The following NEGR1 variants were observed in gnomAD, a reference collection of about 807,000 sequenced individuals.
NEGR1 encodes neuronal growth regulator 1.
Under a neutral mutation model 40.9 loss-of-function variants are expected in NEGR1, and 10 were observed. The observed-to-expected ratio is 0.24, with a 90% CI of 0.15 to 0.42. NEGR1 has a LOEUF of 0.42. Among genes scored for constraint, NEGR1 ranks in the 10% least tolerant of loss-of-function variants. NEGR1 has a pLI of 1.00. For missense variants in NEGR1, 352 were observed against 438.9 expected, an observed-to-expected ratio of 0.80 and a Z score of 1.77; for synonymous variants, 185 against 166.8, an observed-to-expected ratio of 1.11 and a Z score of -0.84.
intron 1 of NEGR1, among the ~76,000 whole-genome samples, chr1:72,060,148 T>C (rs1433964604): frequency 6.6e-6 from 1 of 151,744 alleles, no homozygotes; most frequent in Admixed American, 6.6e-5. Flanking sequence ...TTTACACCCA[T>C]GTCAATAGCA....
intron 2 of NEGR1, among the ~76,000 whole-genome samples, chr1:71,896,342 A>G (rs1269720811): frequency 6.6e-6 from 1 of 152,030 alleles, no homozygotes; most frequent in Non-Finnish European, 1.5e-5. Context: ...CTATTTATAT[A>G]GTTTATTTGG....
rs1032372678 is a variant in NEGR1 at position 71,404,967 on chromosome 1, CA to C, written c.*2478del. Reference sequence around the variant, plus strand: ...TAGCCTTATTTGACAATATTGAACTCATAAATACTCATGATTTCACTCTGTC... The same window carrying C: ...TAGCCTTATTTGACAATATTGAACTCTAAATACTCATGATTTCACTCTGTC... On this transcript the variant is annotated 3_prime_UTR_variant, in exon 7 of 7. Coordinates refer to ENST00000357731, the MANE Select transcript of NEGR1 (RefSeq NM_173808.3). 8 of 152,304 alleles carry C rather than the reference CA, an allele frequency of 5.3e-5. No individual in the cohort carries two copies. Among genetic ancestry groups the C allele is most frequent in the African/African-American group, 1.9e-4 (8 of 41,520 alleles). The allele number at this position is 152,304 out of a possible 1,614,324, so 9.4% of individuals were successfully genotyped here.
intron 6 of NEGR1, among the ~76,000 whole-genome samples, chr1:71,577,598 A>T (rs964524798): frequency 3.9e-5 from 6 of 152,194 alleles, no homozygotes; most frequent in Non-Finnish European, 7.4e-5. Context: ...ATGCACATGC[A>T]CTTTAAACAG....
chr1:71,804,473 C>G (rs1657679393), intron 2 of NEGR1, among the ~76,000 whole-genome samples: 1 of 152,118 alleles, frequency 6.6e-6, no homozygotes, highest in African/African-American at 2.4e-5. Flanking sequence ...AGTCAGGGAC[C>G]CCGAATGGAG....
At chr1:71,676,371 T>A (rs1008284918) in intron 4 of NEGR1, among the ~76,000 whole-genome samples, 1 of 101,086 alleles carries the variant, frequency 9.9e-6, no homozygotes, top group Middle Eastern at 4.0e-3. Flanking sequence ...GGTAAAAAAA[T>A]GATCTTGTGG....
intron 2 of NEGR1, among the ~76,000 whole-genome samples, chr1:71,883,854 T>C (rs930907719): frequency 6.6e-5 from 10 of 151,834 alleles, no homozygotes; most frequent in African/African-American, 2.4e-4. Context: ...GGAGCTATTT[T>C]CTTAAAGTTA....
chr1:72,247,188 T>G (rs890436134), intron 1 of NEGR1, among the ~76,000 whole-genome samples: 1 of 152,218 alleles, frequency 6.6e-6, no homozygotes, highest in South Asian at 2.1e-4. Flanking sequence ...CCCATTCTCT[T>G]TGGTATTCAC....
chr1:72,263,727 T>G (rs1655544085), intron 1 of NEGR1, among the ~76,000 whole-genome samples: 1 of 151,518 alleles, frequency 6.6e-6, no homozygotes, highest in African/African-American at 2.4e-5. Flanking sequence ...TATGTAGGCA[T>G]ATCTTTTGGC....
At chr1:71,531,408 T>C (rs975983237) in intron 6 of NEGR1, among the ~76,000 whole-genome samples, 19 of 151,412 alleles carry the variant, frequency 1.3e-4, no homozygotes, top group African/African-American at 3.6e-4. Flanking sequence ...TCAGGTGACA[T>C]AGCTATATGG....
intron 1 of NEGR1, among the ~76,000 whole-genome samples, chr1:72,211,387 C>T (rs528964334): frequency 6.6e-6 from 1 of 151,444 alleles, no homozygotes; most frequent in East Asian, 2.0e-4. Context: ...GGTAAATGAA[C>T]CAGATTTTGG....
At chr1:71,986,756 G>A (rs1446986644) in intron 1 of NEGR1, among the ~76,000 whole-genome samples, 1 of 152,208 alleles carries the variant, frequency 6.6e-6, no homozygotes, top group Non-Finnish European at 1.5e-5. Context: ...ACCGGACTGT[G>A]TCAGATTTGC....
intron 1 of NEGR1, among the ~76,000 whole-genome samples, chr1:71,937,026 A>T (rs1415160418): frequency 2.0e-5 from 3 of 152,210 alleles, no homozygotes; most frequent in Non-Finnish European, 4.4e-5. Flanking sequence ...TGGGGGATTG[A>T]ACACAGTGTT....
At chr1:71,723,112 CTCTT>C (rs1160872955) in intron 3 of NEGR1, among the ~76,000 whole-genome samples, 1 of 151,806 alleles carries the variant, frequency 6.6e-6, no homozygotes, top group Non-Finnish European at 1.5e-5. Flanking sequence ...ATATTACTCT[CTCTT>C]CACTGGTTTT....
chr1:71,850,140 TG>T (rs1280857010), intron 2 of NEGR1, among the ~76,000 whole-genome samples: 1 of 60,748 alleles, frequency 1.6e-5, no homozygotes, highest in Non-Finnish European at 4.0e-5. Context: ...TGTCTTTTTT[TG>T]TTTGTTTGTT....
At chr1:72,009,920 GA>G (rs1646641685) in intron 1 of NEGR1, among the ~76,000 whole-genome samples, 2 of 151,256 alleles carry the variant, frequency 1.3e-5, no homozygotes, top group Non-Finnish European at 3.0e-5. Flanking sequence ...TTAAATCTGG[GA>G]GGTAGAAAAA....
intron 3 of NEGR1, among the ~76,000 whole-genome samples, chr1:71,715,090 T>G (rs1654231365): frequency 6.6e-6 from 1 of 152,220 alleles, no homozygotes; most frequent in Non-Finnish European, 1.5e-5. Context: ...CCTCGATTCT[T>G]GACATCTGTG....
At chr1:72,231,025 C>T (rs926400971) in intron 1 of NEGR1, among the ~76,000 whole-genome samples, 6 of 152,260 alleles carry the variant, frequency 3.9e-5, no homozygotes, top group African/African-American at 1.4e-4. Context: ...GGAGTGTCCA[C>T]ATCAATGATT....
intron 1 of NEGR1, among the ~76,000 whole-genome samples, chr1:72,219,736 CTGT>C (rs1343432223): frequency 4.6e-5 from 7 of 151,978 alleles, no homozygotes; most frequent in Non-Finnish European, 8.8e-5. Context: ...CCAAATTTGA[CTGT>C]TGTTATGATT....
intron 4 of NEGR1, among the ~76,000 whole-genome samples, chr1:71,652,394 C>A (rs1472163330): frequency 6.6e-6 from 1 of 151,914 alleles, no homozygotes; most frequent in Non-Finnish European, 1.5e-5. Context: ...ATTTTTTAAA[C>A]CAGAAGTCAG....
Sources: gnomAD v4.1 joint callset for allele counts (sites outside exome capture counted in the v4.1 genomes callset) on GRCh38, gnomAD v4.1.1 for gene constraint, MANE v1.5 for transcripts, NCBI Gene and HGNC (gene_info 2026-07-23, HGNC 2026-07-21) for gene names.